The following MAP7 variants were observed in gnomAD, a reference collection of about 807,000 sequenced individuals.
The protein encoded by MAP7 is ensconsin.
MAP7 carries 52 observed loss-of-function variants against 94.8 expected under a neutral mutation model. That is an observed-to-expected ratio of 0.55 (90% CI 0.44 to 0.69). MAP7 has a LOEUF of 0.69. MAP7 is among the 30% of genes least tolerant of loss of function. The probability of loss-of-function intolerance (pLI) is 0.00; values close to 1 mark genes in which losing one functional copy is unlikely to be tolerated. For synonymous variants in MAP7, 350 were observed against 357.0 expected (o/e 0.98, Z 0.22); for missense variants, 940 against 964.6 (o/e 0.97, Z 0.34).
intron 1 of MAP7, among the ~76,000 whole-genome samples, chr6:136,472,807 C>T (rs954264890): frequency 1.3e-5 from 2 of 151,826 alleles, no homozygotes; most frequent in African/African-American, 4.8e-5. Context: ...CCAACTCATT[C>T]CTATAACTTG....
Position 136,485,405 on chromosome 6 carries a change from C to T in MAP7, c.68-63606G>A, listed in dbSNP as rs145167008. ...CACGACATTTCCCATAAAATGAATA[C>T]CATGTGGCAGTAAATTCTCTTTGTA... On this transcript the variant is annotated intron_variant, in intron 1 of 17. Transcript: ENST00000354570. Among the ~76,000 whole-genome samples, 753 of 152,186 alleles carry T rather than the reference C, an allele frequency of 4.9e-3. 2 individuals carry two copies. Among genetic ancestry groups the T allele is most frequent in the Non-Finnish European group, 8.4e-3 (573 of 68,018 alleles).
chr6:136,526,916 T>C (rs1436918114), intron 1 of MAP7, among the ~76,000 whole-genome samples: 1 of 152,186 alleles, frequency 6.6e-6, no homozygotes, highest in Non-Finnish European at 1.5e-5. Context: ...ACCAGTGCCA[T>C]GTCCCTGAAA....
intron 1 of MAP7, among the ~76,000 whole-genome samples, chr6:136,461,734 G>A (rs578079324): frequency 5.9e-5 from 9 of 152,116 alleles, no homozygotes; most frequent in Non-Finnish European, 1.3e-4. Flanking sequence ...GGGGTATTTT[G>A]AAGAAAACTA....
chr6:136,548,085 C>T (rs1562498461), intron 1 of MAP7, among the ~76,000 whole-genome samples: 1 of 142,136 alleles, frequency 7.0e-6, no homozygotes, highest in Non-Finnish European at 1.5e-5. Context: ...TCCACGGCCA[C>T]CCACCACCAC....
chr6:136,466,337 A>G (rs1487780655), intron 1 of MAP7, among the ~76,000 whole-genome samples: 2 of 152,186 alleles, frequency 1.3e-5, no homozygotes, highest in Non-Finnish European at 2.9e-5. Context: ...AGGTCTAAGA[A>G]ATTATCAGTA....
At chr6:136,354,108 A>G (rs969129769) in intron 16 of MAP7, among the ~76,000 whole-genome samples, 2 of 64,206 alleles carry the variant, frequency 3.1e-5, no homozygotes, top group African/African-American at 5.1e-5. Context: ...GGAATCTACT[A>G]TATATATATA....
intron 1 of MAP7, among the ~76,000 whole-genome samples, chr6:136,444,403 C>T (rs1582929913): frequency 6.6e-6 from 1 of 152,240 alleles, no homozygotes; most frequent in South Asian, 2.1e-4. Flanking sequence ...CTTCCAGACG[C>T]TATTGTTTCA....
chr6:136,388,985 T>C (rs907831999), intron 4 of MAP7, among the ~76,000 whole-genome samples: 4 of 152,170 alleles, frequency 2.6e-5, no homozygotes, highest in African/African-American at 7.2e-5. Flanking sequence ...TGACATATAA[T>C]GCATGCTAAA....
At chr6:136,547,811 T>C (rs1231115535) in intron 1 of MAP7, among the ~76,000 whole-genome samples, 4 of 152,106 alleles carry the variant, frequency 2.6e-5, no homozygotes, top group Non-Finnish European at 5.9e-5. Flanking sequence ...TCAATTCATC[T>C]TTGATACACA....
chr6:136,521,016 G>T (rs188332017), intron 1 of MAP7, among the ~76,000 whole-genome samples: 1 of 152,116 alleles, frequency 6.6e-6, no homozygotes, highest in Non-Finnish European at 1.5e-5. Flanking sequence ...ACTGAGGCAG[G>T]CCATGTAATG....
At chr6:136,417,410 T>C (rs1789855620) in intron 2 of MAP7, among the ~76,000 whole-genome samples, 1 of 152,186 alleles carries the variant, frequency 6.6e-6, no homozygotes, top group African/African-American at 2.4e-5. Context: ...GAGAGTACGG[T>C]CATGCTACTA....
intron 3 of MAP7, among the ~76,000 whole-genome samples, chr6:136,390,652 T>TC (rs1294035814): frequency 2.0e-5 from 3 of 152,070 alleles, no homozygotes; most frequent in African/African-American, 4.8e-5. Context: ...AGACTCTGTC[T>TC]CAAAAACAAA....
intron 1 of MAP7, among the ~76,000 whole-genome samples, chr6:136,511,825 T>C (rs889794577): frequency 2.0e-5 from 3 of 152,194 alleles, no homozygotes; most frequent in African/African-American, 4.8e-5. Context: ...AGAAAATACT[T>C]ATAATAATTC....
At chr6:136,547,546 G>C (rs1311972325) in intron 1 of MAP7, among the ~76,000 whole-genome samples, 4 of 152,060 alleles carry the variant, frequency 2.6e-5, no homozygotes, top group Non-Finnish European at 5.9e-5. Flanking sequence ...ATCCTCTAGT[G>C]GTGATGTCTT....
At chr6:136,422,971 T>G (rs1791859296) in intron 1 of MAP7, among the ~76,000 whole-genome samples, 1 of 152,128 alleles carries the variant, frequency 6.6e-6, no homozygotes. Context: ...ACCAGTTGAG[T>G]GGCGAGAAAG....
intron 3 of MAP7, among the ~76,000 whole-genome samples, chr6:136,411,154 C>T (rs994576109): frequency 2.0e-5 from 3 of 152,166 alleles, no homozygotes; most frequent in African/African-American, 4.8e-5. Flanking sequence ...GCTAACGTCA[C>T]AAGGGCCTTG....
chr6:136,457,209 A>G (rs1406172841), intron 1 of MAP7, among the ~76,000 whole-genome samples: 3 of 151,918 alleles, frequency 2.0e-5, no homozygotes, highest in Non-Finnish European at 2.9e-5. Context: ...TAAAAGGAGG[A>G]GAAAAATTTG....
chr6:136,547,380 A>G (rs1472311609), intron 1 of MAP7, among the ~76,000 whole-genome samples: 1 of 152,228 alleles, frequency 6.6e-6, no homozygotes, highest in East Asian at 1.9e-4. Flanking sequence ...TTTTTAAAAC[A>G]GGCTATCAGA....
chr6:136,421,693 C>A lies in MAP7; in HGVS notation c.166+8G>T. 1 of 1,609,164 alleles carries A rather than the reference C, an allele frequency of 6.2e-7. No individual in the cohort carries two copies. The highest frequency in any genetic ancestry group is 8.5e-7 in the Non-Finnish European group (1 of 1,175,592). ...TTATTTTCCCACAGTTAATGCAATGCATCATACCTGGTTTATTTCCTGAGT... is the reference window on the plus strand; with the variant it reads ...TTATTTTCCCACAGTTAATGCAATGAATCATACCTGGTTTATTTCCTGAGT... On this transcript the variant is annotated splice_region_variant and intron_variant, in intron 2 of 17. Coordinates refer to ENST00000354570, the MANE Select transcript of MAP7 (RefSeq NM_003980.6).
Sources: allele counts gnomAD v4.1 joint callset (sites outside exome capture counted in the v4.1 genomes callset), GRCh38; gene constraint gnomAD v4.1.1; transcripts MANE v1.5; gene names NCBI Gene and HGNC (gene_info 2026-07-23, HGNC 2026-07-21).